CNOT7: variants seen among roughly 807,000 people sequenced by gnomAD.
CNOT7 encodes BTG1-binding factor 1.
In CNOT7, 4 loss-of-function variants were observed where a neutral mutation model predicts 37.1. The ratio of observed to expected loss-of-function variants is 0.11; its 90% CI spans 0.05 to 0.25. CNOT7 has a LOEUF of 0.25. Ranked by LOEUF, CNOT7 falls within the 10% of genes least tolerant of loss-of-function variation. The pLI is 1.00. For synonymous variants in CNOT7, 128 were observed against 115.6 expected, an observed-to-expected ratio of 1.11 and a Z score of -0.69; for missense variants, 170 against 336.2, an observed-to-expected ratio of 0.51 and a Z score of 3.87.
rs189442098 is a variant in CNOT7 at position 17,228,792 on chromosome 8, G to T, written c.*1928C>A. 6.6e-6 allele frequency: 1 copy of T among 152,054 alleles called. No individual in the cohort carries two copies. The highest frequency in any genetic ancestry group is 2.4e-5 in the African/African-American group (1 of 41,538). The allele number at this position is 152,054 out of a possible 1,614,324, so 9.4% of individuals were successfully genotyped here. A position where few individuals can be genotyped will look rare whatever the true frequency, so the allele number is the denominator to read the frequency against. On this transcript the variant is annotated 3_prime_UTR_variant, in exon 7 of 7. Coordinates refer to ENST00000361272, the MANE Select transcript of CNOT7 (RefSeq NM_013354.7). ...TCATTCCTATTTGAAATCCAGCATT[G>T]ATTTCTCAAATAGTTGAACAGAATT... is the stretch of plus-strand genomic sequence containing the variant.
In CNOT7 at chr8:17,246,693, GCTCCTC is replaced by G. The variant is rs1400270816; in HGVS notation, c.-120_-115del. 2.3e-5 allele frequency: 4 copies of G among 170,418 alleles called. No homozygotes were observed. Among genetic ancestry groups the G allele is most frequent in the East Asian group, 1.9e-4 (1 of 5,298 alleles). 10.6% of individuals were successfully genotyped at this position (170,418 alleles called of 1,614,324 possible). A position where few individuals can be genotyped will look rare whatever the true frequency, so the allele number is the denominator to read the frequency against. On this transcript the variant is annotated 5_prime_UTR_variant, in exon 1 of 7. Coordinates refer to ENST00000361272, the MANE Select transcript of CNOT7 (RefSeq NM_013354.7). ...GATCTACTTGTGTCGCTGAGCTCGC[GCTCCTC>G]CTCCTCCTCCTCGCCATAGAGACAG...
At chr8:17,238,647 TA>T (rs1291055505) in intron 3 of CNOT7, among the ~76,000 whole-genome samples, 4 of 151,974 alleles carry the variant, frequency 2.6e-5, no homozygotes, top group Non-Finnish European at 4.4e-5. Flanking sequence ...ATGAAAGGGA[TA>T]AAAAACAGAT....
rs1382179619 is a variant in CNOT7 at position 17,227,192 on chromosome 8, T to A, written c.*3528A>T. 6.6e-6 allele frequency: 1 copy of A among 151,866 alleles called. No homozygotes were observed. The allele number at this position is 151,866 out of a possible 1,614,324, so 9.4% of individuals were successfully genotyped here. ...TCACAAGCCTTAAAATTTGACCAAA[T>A]AAACTTTTTTTCTGCTTCATGCATT... On this transcript the variant is annotated 3_prime_UTR_variant, in exon 7 of 7. Coordinates refer to ENST00000361272, the MANE Select transcript of CNOT7 (RefSeq NM_013354.7).
intron 1 of CNOT7, chr8:17,246,162 T>C (rs946920303): frequency 6.6e-6 from 1 of 152,202 alleles, no homozygotes; most frequent in Non-Finnish European, 1.5e-5. Context: ...TCTAACATTG[T>C]TTTCCTCCAC....
intron 4 of CNOT7, among the ~76,000 whole-genome samples, chr8:17,236,247 G>A (rs1239863228): frequency 6.6e-6 from 1 of 152,178 alleles, no homozygotes; most frequent in Non-Finnish European, 1.5e-5. Context: ...AACTAAACAT[G>A]CAGGAGACTC....
chr8:17,227,439 A>C lies in CNOT7; in HGVS notation c.*3281T>G, dbSNP rs941539893. ...GTTGTGTCCAAAATCCTCATTCTTC[A>C]AACTACTGTTCTCATCAAAGGGCTG... On this transcript the variant is annotated 3_prime_UTR_variant, in exon 7 of 7. Coordinates refer to ENST00000361272, the MANE Select transcript of CNOT7 (RefSeq NM_013354.7). 1 of 151,872 alleles carries C rather than the reference A, an allele frequency of 6.6e-6. No individual in the cohort carries two copies. Among genetic ancestry groups the C allele is most frequent in the African/African-American group, 2.4e-5 (1 of 41,432 alleles). The allele number at this position is 151,872 out of a possible 1,614,324, so 9.4% of individuals were successfully genotyped here.
At position 17,225,718 on chromosome 8, in the gene CNOT7, AAAAT is replaced by A. The variant is rs1466401702; in HGVS notation, c.*4998_*5001del. The stretch of plus-strand genomic sequence containing the variant: ...TACGTTTCTATAATGTCTTAATAGA[AAAAT>A]AAATGACAGGTAACGTTGTTATAAA... On this transcript the variant is annotated 3_prime_UTR_variant, in exon 7 of 7. Coordinates refer to ENST00000361272, the MANE Select transcript of CNOT7 (RefSeq NM_013354.7). 1.3e-5 allele frequency: 2 copies of A among 151,738 alleles called. No individual in the cohort carries two copies. The highest frequency in any genetic ancestry group is 3.0e-5 in the Non-Finnish European group (2 of 67,712). 9.4% of individuals were successfully genotyped at this position (151,738 alleles called of 1,614,324 possible).
intron 3 of CNOT7, chr8:17,241,637 A>C (rs1323407060): frequency 6.6e-6 from 1 of 152,218 alleles, no homozygotes; most frequent in African/African-American, 2.4e-5. Flanking sequence ...CAAATGTAGG[A>C]TGTCAAACAG....
chr8:17,236,992 C>T (rs1320866845), intron 4 of CNOT7, among the ~76,000 whole-genome samples: 1 of 152,182 alleles, frequency 6.6e-6, no homozygotes, highest in Non-Finnish European at 1.5e-5. Flanking sequence ...TGTACTGTTT[C>T]CACTATGCAA....
intron 5 of CNOT7, among the ~76,000 whole-genome samples, chr8:17,234,320 T>C (rs1809043299): frequency 6.6e-6 from 1 of 152,226 alleles, no homozygotes; most frequent in African/African-American, 2.4e-5. Context: ...TACATCTGCA[T>C]ATCGCTGGCC....
rs990250644 is a variant in CNOT7 at position 17,227,946 on chromosome 8, C to T, written c.*2774G>A. On this transcript the variant is annotated 3_prime_UTR_variant, in exon 7 of 7. Coordinates refer to ENST00000361272, the MANE Select transcript of CNOT7 (RefSeq NM_013354.7). ...GCATCACCATGATTCTGTAGCTTGC[C>T]AAGCGGCAATGTGAAACAAGACACA... 6.6e-6 allele frequency: 1 copy of T among 151,884 alleles called. No individual in the cohort carries two copies. Among genetic ancestry groups the T allele is most frequent in the African/African-American group, 2.4e-5 (1 of 41,422 alleles). 9.4% of individuals were successfully genotyped at this position (151,884 alleles called of 1,614,324 possible).
rs1808402891 is a variant in CNOT7 at position 17,229,800 on chromosome 8, C to A, written c.*920G>T. On this transcript the variant is annotated 3_prime_UTR_variant, in exon 7 of 7. Coordinates refer to ENST00000361272, the MANE Select transcript of CNOT7 (RefSeq NM_013354.7). ...TTTTTAATAAAATTGATTTGTGTAACCAACAAATCAAGAGCATCATAAGAA... is the reference window on the plus strand; with the variant it reads ...TTTTTAATAAAATTGATTTGTGTAAACAACAAATCAAGAGCATCATAAGAA... The A allele has an allele frequency of 6.8e-6, 1 of 146,814 alleles. No individual in the cohort carries two copies. The allele number at this position is 146,814 out of a possible 1,614,324, so 9.1% of individuals were successfully genotyped here.
chr8:17,228,370 A>AACTT lies in CNOT7; in HGVS notation c.*2346_*2349dup, dbSNP rs1808296519. On this transcript the variant is annotated 3_prime_UTR_variant, in exon 7 of 7. Coordinates refer to ENST00000361272, the MANE Select transcript of CNOT7 (RefSeq NM_013354.7). ...TGTCTGGAACAAAATAAAAAAGTAAAACTTAGACCCAGTAAAAGTCAAAAT... is the reference window on the plus strand; with the variant it reads ...TGTCTGGAACAAAATAAAAAAGTAAAACTTACTTAGACCCAGTAAAAGTCAAAAT... The AACTT allele has an allele frequency of 6.6e-6, 1 of 151,942 alleles. No homozygotes were observed. Among genetic ancestry groups the AACTT allele is most frequent in the South Asian group, 2.1e-4 (1 of 4,832 alleles). 9.4% of individuals were successfully genotyped at this position (151,942 alleles called of 1,614,324 possible). A position where few individuals can be genotyped will look rare whatever the true frequency, so the allele number is the denominator to read the frequency against.
Position 17,230,530 on chromosome 8 carries a change from GTTT to G in CNOT7, c.*187_*189del, listed in dbSNP as rs71543685. The G allele has an allele frequency of 4.5e-5, 15 of 330,392 alleles. No individual in the cohort carries two copies. The highest frequency in any genetic ancestry group is 8.4e-4 in the Middle Eastern group (1 of 1,190). 20.5% of individuals were successfully genotyped at this position (330,392 alleles called of 1,614,324 possible). ...TTAAGGCCAAATTTAACCTGAATGCGTTTTTTTTTTTCTTTTTATTAAGATCTG... is the reference window on the plus strand; with the variant it reads ...TTAAGGCCAAATTTAACCTGAATGCGTTTTTTTTCTTTTTATTAAGATCTG... On this transcript the variant is annotated 3_prime_UTR_variant, in exon 7 of 7. Transcript: ENST00000361272.
At position 17,237,282 on chromosome 8, in the gene CNOT7, A is replaced by C. The variant is rs1400074762; in HGVS notation, c.403T>G (p.Tyr135Asp). 6.2e-7 allele frequency: 1 copy of C among 1,614,020 alleles called. No homozygotes were observed. The highest frequency in any genetic ancestry group is 1.3e-5 in the African/African-American group (1 of 74,934). ...KHEEEGIETQ[Y>D]FAELLMTSGV... is the part of the protein sequence containing the mutation. ...GAAGTCATAAGAAGTTCTGCAAAGTACTGGGTTTCAATTCCTTCCTCCTCA... is the reference window on the plus strand; with the variant it reads ...GAAGTCATAAGAAGTTCTGCAAAGTCCTGGGTTTCAATTCCTTCCTCCTCA... Residue 135 changes from tyrosine to aspartate, a missense_variant, in exon 4 of 7, where the codon TAC becomes GAC. Physicochemically the swap from Tyr to Asp is radical, Grantham distance 160. Transcript: ENST00000361272.
At chr8:17,235,330 G>C (rs1002886955) in intron 4 of CNOT7, among the ~76,000 whole-genome samples, 1 of 152,134 alleles carries the variant, frequency 6.6e-6, no homozygotes, top group Non-Finnish European at 1.5e-5. Context: ...TTTTACATAA[G>C]GTGGTCATAT....
intron 3 of CNOT7, among the ~76,000 whole-genome samples, chr8:17,238,218 G>C (rs112753629): frequency 6.6e-5 from 10 of 152,108 alleles, no homozygotes; most frequent in Admixed American, 1.3e-4. Flanking sequence ...ACGTGAAAAA[G>C]TGTTTTTTTA....
At position 17,234,842 on chromosome 8, in the gene CNOT7, G is replaced by A. The variant is rs1189087178; in HGVS notation, c.492C>T (p.Tyr164=). ...TAGAGTTGGTTAGGATTTTGATTAA[G>A]TAGCCAAAGTCGTAACCGCTATAAA... ...LSFHSGYDFG[Y]LIKILTNSNL... The change falls in exon 5 of 7, where the codon TAC becomes TAT. Residue 164 remains tyrosine (Y), a synonymous_variant. Coordinates refer to ENST00000361272, the MANE Select transcript of CNOT7 (RefSeq NM_013354.7). 6.2e-7 allele frequency: 1 copy of A among 1,613,790 alleles called. No homozygotes were observed. Among genetic ancestry groups the A allele is most frequent in the Non-Finnish European group, 8.5e-7 (1 of 1,179,918 alleles).
At chr8:17,234,971 A>G in intron 4 of CNOT7, 111 bp from the exon 5 acceptor site, 3 of 855,854 alleles carry the variant, frequency 3.5e-6, no homozygotes, top group Non-Finnish European at 5.3e-6. Flanking sequence ...GCCCTCCCAA[A>G]AACATTAAAG....
Sources: allele counts gnomAD v4.1 joint callset (sites outside exome capture counted in the v4.1 genomes callset), GRCh38; gene constraint gnomAD v4.1.1; transcripts MANE v1.5; gene names NCBI Gene and HGNC (gene_info 2026-07-23, HGNC 2026-07-21).